The following GRAMD1B variants were observed in gnomAD, a reference collection of about 807,000 sequenced individuals.
The protein encoded by GRAMD1B is protein Aster-B.
Under a neutral mutation model 99.7 loss-of-function variants are expected in GRAMD1B, and 37 were observed. The ratio of observed to expected loss-of-function variants is 0.37; its 90% confidence interval spans 0.29 to 0.49. The LOEUF (loss-of-function observed/expected upper bound fraction) is 0.49. Ranked by LOEUF, GRAMD1B falls within the 20% of genes least tolerant of loss-of-function variation. GRAMD1B has a pLI of 0.98. For synonymous variants in GRAMD1B, 427 were observed against 387.6 expected (o/e 1.10, Z -1.19); for missense variants, 888 against 1,009.2 (o/e 0.88, Z 1.63).
chr11:123,452,138 A>G (rs554227576), intron 1 of GRAMD1B, among the ~76,000 whole-genome samples: 2 of 152,320 alleles, frequency 1.3e-5, no homozygotes, highest in East Asian at 1.9e-4. Flanking sequence ...CCAGTCCGAC[A>G]GCAGATTTTT....
At chr11:123,396,245 T>C (rs1407076419) in intron 1 of GRAMD1B, among the ~76,000 whole-genome samples, 2 of 151,340 alleles carry the variant, frequency 1.3e-5, no homozygotes, top group African/African-American at 2.4e-5. Context: ...CTTCCCCATA[T>C]GCATTTTTTT....
intron 2 of GRAMD1B, among the ~76,000 whole-genome samples, chr11:123,528,679 C>G (rs968859904): frequency 1.3e-5 from 2 of 152,072 alleles, no homozygotes; most frequent in Admixed American, 1.3e-4. Context: ...TAATGCCGTG[C>G]TAGACACCGG....
rs571187670 is a variant in GRAMD1B, at chr11:123,618,307, T to A, written c.2319-386T>A. The A allele has an allele frequency of 1.7e-5, 27 of 1,602,246 alleles. 1 individual carries two copies. The South Asian group carries it at 2.9e-4, about 17-fold the overall frequency. On this transcript the variant is annotated intron_variant, in intron 17 of 19. Coordinates refer to ENST00000635736, the MANE Select transcript of GRAMD1B (RefSeq NM_001387025.1). ...TCCCCACACTTGCCTGTTTCTAACC[T>A]CTGCCTCCTCCCCATTTTTCTTCCT...
chr11:123,400,947 A>T (rs1324457321), intron 1 of GRAMD1B, among the ~76,000 whole-genome samples: 3 of 152,194 alleles, frequency 2.0e-5, no homozygotes, highest in Non-Finnish European at 2.9e-5. Flanking sequence ...CTCCAAGTTT[A>T]TTGAACTAAT....
chr11:123,596,898 A>G (rs1951338073), intron 7 of GRAMD1B, among the ~76,000 whole-genome samples: 1 of 152,138 alleles, frequency 6.6e-6, no homozygotes, highest in African/African-American at 2.4e-5. Flanking sequence ...TTCAGACACT[A>G]GATTTGGATC....
rs538013422 is a variant in GRAMD1B, at chr11:123,461,881, C to T, written c.375-18935C>T. 4.6e-5 allele frequency among the ~76,000 whole-genome samples: 7 copies of T among 151,818 alleles called. No individual in the cohort carries two copies. In the East Asian group the frequency reaches 1.2e-3, roughly 25 times the overall value. ...TCAGCCTCCCAAAGTGCTGGGATTA[C>T]AGGCATGAGCCACTGCGCCCGGCCA... On this transcript the variant is annotated intron_variant, in intron 1 of 19. Transcript: ENST00000635736.
chr11:123,590,990 C>G, intron 4 of GRAMD1B: 1 of 157,824 alleles, frequency 6.3e-6, no homozygotes, highest in Non-Finnish European at 1.4e-5. Flanking sequence ...TCCCGGACCT[C>G]CAGCTGGCCC....
At chr11:123,478,701 G>A (rs981969934) in intron 1 of GRAMD1B, among the ~76,000 whole-genome samples, 1 of 152,214 alleles carries the variant, frequency 6.6e-6, no homozygotes, top group Non-Finnish European at 1.5e-5. Context: ...ATTGCCGGGG[G>A]AGGATAGGGG....
intron 1 of GRAMD1B, among the ~76,000 whole-genome samples, chr11:123,448,287 C>T (rs1007543946): frequency 6.6e-6 from 1 of 151,932 alleles, no homozygotes; most frequent in Non-Finnish European, 1.5e-5. Context: ...CAGTCTTGCT[C>T]TGTTGCCCAG....
chr11:123,437,908 T>A (rs771946766), intron 1 of GRAMD1B, among the ~76,000 whole-genome samples: 1 of 152,198 alleles, frequency 6.6e-6, no homozygotes, highest in African/African-American at 2.4e-5. Context: ...CCCGTCACTA[T>A]TGGTGTAGCT....
chr11:123,609,744 G>A lies in GRAMD1B; in HGVS notation c.1658-51G>A. The A allele has an allele frequency of 4.7e-6, 5 of 1,062,464 alleles. No individual in the cohort carries two copies. In the Admixed American group the frequency reaches 1.0e-4, roughly 21 times the overall value. 65.8% of individuals were successfully genotyped at this position (1,062,464 alleles called of 1,614,324 possible). On this transcript the variant is annotated intron_variant, in intron 12 of 19. Coordinates refer to ENST00000635736, the MANE Select transcript of GRAMD1B (RefSeq NM_001387025.1). The stretch of plus-strand genomic sequence containing the variant: ...ACTTGGAGGGGAAACTTGGATTGGG[G>A]AGAGGGCTCTGCCCTCCCTTCCTCA...
intron 1 of GRAMD1B, among the ~76,000 whole-genome samples, chr11:123,389,007 C>T (rs1002614415): frequency 9.2e-5 from 14 of 152,144 alleles, no homozygotes; most frequent in Admixed American, 6.5e-4. Flanking sequence ...ACTCCTGAGA[C>T]GATGTGCTGA....
chr11:123,614,490 C>T (rs991737732), intron 16 of GRAMD1B, among the ~76,000 whole-genome samples: 1 of 152,180 alleles, frequency 6.6e-6, no homozygotes, highest in Admixed American at 6.5e-5. Flanking sequence ...TGTCCTGGGC[C>T]TGTGTATCCT....
chr11:123,534,819 GT>G (rs1051978075), intron 2 of GRAMD1B, among the ~76,000 whole-genome samples: 1 of 152,000 alleles, frequency 6.6e-6, no homozygotes, highest in Admixed American at 6.6e-5. Context: ...AGCCAAAATT[GT>G]GCCATTGCAC....
chr11:123,603,170 G>A (rs1240838219), intron 8 of GRAMD1B, among the ~76,000 whole-genome samples: 4 of 152,178 alleles, frequency 2.6e-5, no homozygotes, highest in African/African-American at 7.2e-5. Flanking sequence ...AGTTGGTCAC[G>A]TTCTACAAAC....
chr11:123,365,442 G>A (rs1216487738), intron 1 of GRAMD1B, among the ~76,000 whole-genome samples: 2 of 152,072 alleles, frequency 1.3e-5, no homozygotes, highest in Non-Finnish European at 2.9e-5. Context: ...AGTAGAGACG[G>A]GGTTTCGCCA....
At chr11:123,478,544 T>G (rs1951421727) in intron 1 of GRAMD1B, among the ~76,000 whole-genome samples, 1 of 152,162 alleles carries the variant, frequency 6.6e-6, no homozygotes, top group Non-Finnish European at 1.5e-5. Context: ...CTGAGGCTCC[T>G]TATTGGTTTT....
intron 14 of GRAMD1B, 58 bp from the exon 15 acceptor site, chr11:123,612,703 C>T: frequency 2.1e-6 from 2 of 947,358 alleles, no homozygotes; most frequent in Admixed American, 3.9e-5. Context: ...TTCCCTTTTC[C>T]CAGCAGAGGC....
chr11:123,454,954 A>G (rs1161376931), intron 1 of GRAMD1B: 2 of 152,338 alleles, frequency 1.3e-5, no homozygotes, highest in Admixed American at 6.5e-5. Context: ...AGGTGCATGT[A>G]ATTCTTATGT....
Sources: allele counts gnomAD v4.1 joint callset (sites outside exome capture counted in the v4.1 genomes callset), GRCh38; gene constraint gnomAD v4.1.1; transcripts MANE v1.5; gene names NCBI Gene and HGNC (gene_info 2026-07-23, HGNC 2026-07-21).